Variants in RPTOR observed in about 807,000 individuals in gnomAD.
RPTOR encodes the protein regulatory-associated protein of mTOR.
Under a neutral mutation model 169.9 loss-of-function variants are expected in RPTOR, and 21 were observed. That is an observed-to-expected ratio of 0.12 (90% CI 0.09 to 0.18). The LOEUF (loss-of-function observed/expected upper bound fraction) is 0.18, where lower values mean the gene tolerates loss of function less well. Ranked by LOEUF, RPTOR falls within the 10% of genes least tolerant of loss-of-function variation. RPTOR has a pLI of 1.00. For missense variants in RPTOR, 1,133 were observed against 1,855.9 expected, an observed-to-expected ratio of 0.61 and a Z score of 7.16; for synonymous variants, 732 against 753.2, an observed-to-expected ratio of 0.97 and a Z score of 0.46.
chr17:80,702,546 T>G (rs966800146), intron 3 of RPTOR, among the ~76,000 whole-genome samples: 3 of 152,222 alleles, frequency 2.0e-5, no homozygotes, highest in African/African-American at 7.2e-5. Context: ...GACATTTAAT[T>G]TAGTGTTTCT....
chr17:80,709,639 C>T (rs2066170216), intron 4 of RPTOR, among the ~76,000 whole-genome samples: 1 of 152,216 alleles, frequency 6.6e-6, no homozygotes, highest in South Asian at 2.1e-4. Flanking sequence ...TGGTTCCCAT[C>T]TTGTTTCTGC....
intron 21 of RPTOR, among the ~76,000 whole-genome samples, chr17:80,917,472 G>A (rs2068688345): frequency 6.6e-6 from 1 of 151,988 alleles, no homozygotes. Context: ...CCTCCTACTT[G>A]ACAGCCTCTC....
intron 1 of RPTOR, among the ~76,000 whole-genome samples, chr17:80,616,330 C>T (rs2065310121): frequency 8.5e-6 from 1 of 117,510 alleles, no homozygotes; most frequent in Admixed American, 1.0e-4. Flanking sequence ...GAGACGGAGT[C>T]TCACTCTGTT....
intron 12 of RPTOR, among the ~76,000 whole-genome samples, chr17:80,855,846 G>A (rs571992109): frequency 5.9e-4 from 90 of 152,166 alleles, no homozygotes; most frequent in African/African-American, 1.9e-3. Flanking sequence ...TTCCTGAGCC[G>A]CCCCCAGCGC....
intron 24 of RPTOR, among the ~76,000 whole-genome samples, chr17:80,930,024 G>GGCTCAGCCCCA (rs2068856492): frequency 8.6e-6 from 1 of 116,798 alleles, no homozygotes; most frequent in Non-Finnish European, 2.0e-5. Flanking sequence ...GCTCATCCCT[G>GGCTCAGCCCCA]GCTCATCCCC....
chr17:80,875,328 C>T (rs535695095), intron 13 of RPTOR, among the ~76,000 whole-genome samples: 110 of 152,292 alleles, frequency 7.2e-4, no homozygotes, highest in South Asian at 3.1e-3. Flanking sequence ...GCTGCAACAA[C>T]AAATACATGC....
chr17:80,587,902 G>A (rs1458782172), intron 1 of RPTOR, among the ~76,000 whole-genome samples: 1 of 151,890 alleles, frequency 6.6e-6, no homozygotes, highest in African/African-American at 2.4e-5. Flanking sequence ...CTGAAGGCTT[G>A]TGCCTTTTGA....
At chr17:80,807,556 T>A (rs7223529) in intron 7 of RPTOR, among the ~76,000 whole-genome samples, 39,416 of 152,116 alleles carry the variant, frequency 0.26, 5,516 homozygotes, top group East Asian at 0.45. Context: ...TTCACCATGT[T>A]GGCCAGGCTG....
intron 6 of RPTOR, among the ~76,000 whole-genome samples, chr17:80,782,508 G>A (rs2143460682): frequency 6.6e-6 from 1 of 152,174 alleles, no homozygotes; most frequent in Middle Eastern, 3.4e-3. Flanking sequence ...GAAAATAAAC[G>A]GTGTATTTAG....
intron 21 of RPTOR, among the ~76,000 whole-genome samples, chr17:80,916,771 G>A (rs771835629): frequency 1.6e-4 from 24 of 152,188 alleles, no homozygotes; most frequent in Admixed American, 2.6e-4. Flanking sequence ...AGGCCAAGGC[G>A]GGCGGATCAC....
intron 33 of RPTOR, 134 bp from the exon 34 acceptor site, chr17:80,964,128 G>A (rs1219640125): frequency 5.3e-6 from 4 of 756,094 alleles, no homozygotes; most frequent in South Asian, 1.6e-5. Context: ...GCATTTCCGG[G>A]CCTGAGGTGG....
intron 6 of RPTOR, among the ~76,000 whole-genome samples, chr17:80,790,688 C>G (rs986589242): frequency 6.6e-6 from 1 of 152,144 alleles, no homozygotes; most frequent in Admixed American, 6.5e-5. Flanking sequence ...GCCAACAGTC[C>G]GCGAGTGTGT....
intron 6 of RPTOR, among the ~76,000 whole-genome samples, chr17:80,772,536 C>A (rs1394441204): frequency 7.6e-6 from 1 of 131,946 alleles, no homozygotes; most frequent in Non-Finnish European, 1.6e-5. Context: ...CCCCCACATG[C>A]CTGGTCCCCC....
Position 80,883,766 on chromosome 17 carries a change from G to A in RPTOR, c.1651-15G>A, listed in dbSNP as rs1241974554. 6.2e-7 allele frequency: 1 copy of A among 1,612,560 alleles called. No homozygotes were observed. Among genetic ancestry groups the A allele is most frequent in the Admixed American group, 1.7e-5 (1 of 60,024 alleles). ...GCAGGCAGAGGCCAACCTGTCTGTGGTCCCGCCTCTGCAGGAAGCCTGCCT... is the reference window on the plus strand; with the variant it reads ...GCAGGCAGAGGCCAACCTGTCTGTGATCCCGCCTCTGCAGGAAGCCTGCCT... On this transcript the variant is annotated splice_polypyrimidine_tract_variant and intron_variant, in intron 15 of 33. Coordinates refer to ENST00000306801, the MANE Select transcript of RPTOR (RefSeq NM_020761.3).
rs150238934 is a variant in RPTOR at position 80,803,726 on chromosome 17, C to G, written c.890+12217C>G. 24 of 152,264 alleles carry G rather than the reference C, an allele frequency of 1.6e-4. No homozygotes were observed. The highest frequency in any genetic ancestry group is 3.2e-4 in the Non-Finnish European group (22 of 68,074). 9.4% of individuals were successfully genotyped at this position (152,264 alleles called of 1,614,324 possible). A position where few individuals can be genotyped will look rare whatever the true frequency, so the allele number is the denominator to read the frequency against. On this transcript the variant is annotated intron_variant, in intron 7 of 33. Coordinates refer to ENST00000306801, the MANE Select transcript of RPTOR (RefSeq NM_020761.3). The surrounding 1 kb of genome is among the most constrained non-coding windows in gnomAD (Gnocchi z 6.2). ...GAGGCTCTGGAGCCAAGTCCTTGCT[C>G]GTTAACTTACATCCTGATCAGGGGA...
intron 13 of RPTOR, among the ~76,000 whole-genome samples, chr17:80,871,739 T>C (rs780252870): frequency 2.0e-5 from 3 of 152,264 alleles, no homozygotes; most frequent in Non-Finnish European, 4.4e-5. Flanking sequence ...GCTTACTGTA[T>C]AAGGCTTAGT....
chr17:80,844,248 G>T lies in RPTOR; in HGVS notation c.1213-2225G>T, dbSNP rs1254194476. On this transcript the variant is annotated intron_variant, in intron 10 of 33. Coordinates refer to ENST00000306801, the MANE Select transcript of RPTOR (RefSeq NM_020761.3). The surrounding 1 kb of genome is among the most constrained non-coding windows in gnomAD (Gnocchi z 4.7). Reference sequence around the variant, plus strand: ...CCCGTGGCTTTAGGGAGCTTCACGGGCTTCACCGCGCACCTGCCAGGCAAA... The same window carrying T: ...CCCGTGGCTTTAGGGAGCTTCACGGTCTTCACCGCGCACCTGCCAGGCAAA... Among the ~76,000 whole-genome samples the T allele has an allele frequency of 6.6e-6, 1 of 152,172 alleles. No individual in the cohort carries two copies. Among genetic ancestry groups the T allele is most frequent in the Non-Finnish European group, 1.5e-5 (1 of 68,038 alleles).
At chr17:80,874,547 G>A (rs985679255) in intron 13 of RPTOR, among the ~76,000 whole-genome samples, 5 of 152,126 alleles carry the variant, frequency 3.3e-5, no homozygotes, top group Non-Finnish European at 7.4e-5. Flanking sequence ...CTCACTTGGC[G>A]AGTGGGGAAT....
At chr17:80,808,503 C>T (rs1371594178) in intron 7 of RPTOR, among the ~76,000 whole-genome samples, 1 of 152,150 alleles carries the variant, frequency 6.6e-6, no homozygotes, top group African/African-American at 2.4e-5. Context: ...TTGAAAATGC[C>T]ATCATTTCTC....
Sources: gnomAD v4.1 joint callset for allele counts (sites outside exome capture counted in the v4.1 genomes callset) on GRCh38, gnomAD v4.1.1 for gene constraint, Gnocchi (gnomAD v3.1) non-coding constraint, MANE v1.5 for transcripts, NCBI Gene and HGNC (gene_info 2026-07-23, HGNC 2026-07-21) for gene names.